FBXL17: variants seen among roughly 807,000 people sequenced by gnomAD.
FBXL17 encodes F-box and leucine rich repeat protein 17.
In FBXL17, 22 loss-of-function variants were observed where a neutral mutation model predicts 66.2. The ratio of observed to expected loss-of-function variants is 0.33; its 90% CI spans 0.24 to 0.47. The LOEUF is 0.47. Among genes scored for constraint, FBXL17 ranks in the 20% least tolerant of loss-of-function variants. The pLI is 1.00. For synonymous variants in FBXL17, 474 were observed against 400.5 expected (o/e 1.18, Z -2.19); for missense variants, 878 against 948.2 (o/e 0.93, Z 0.97).
intron 1 of FBXL17, among the ~76,000 whole-genome samples, chr5:108,369,832 A>C (rs999489094): frequency 2.6e-5 from 4 of 152,334 alleles, no homozygotes; most frequent in African/African-American, 9.6e-5. Context: ...TGAATATAAA[A>C]GATATTAATT....
chr5:107,870,147 G>A (rs1169846846), intron 8 of FBXL17, among the ~76,000 whole-genome samples: 1 of 152,096 alleles, frequency 6.6e-6, no homozygotes, highest in African/African-American at 2.4e-5. Context: ...ACATAGATCA[G>A]GTGAGAACTA....
chr5:108,147,737 T>A (rs920782424), intron 6 of FBXL17, among the ~76,000 whole-genome samples: 4 of 152,008 alleles, frequency 2.6e-5, no homozygotes, highest in Admixed American at 2.6e-4. Flanking sequence ...AAATTAAACA[T>A]CTCAATGTCT....
chr5:108,332,941 CAAAAA>C (rs34218940), intron 4 of FBXL17, among the ~76,000 whole-genome samples: 1 of 34,764 alleles, frequency 2.9e-5, no homozygotes, highest in East Asian at 9.7e-4. Flanking sequence ...AAAGCAAAAG[CAAAAA>C]AAAAAAAAAA....
intron 6 of FBXL17, among the ~76,000 whole-genome samples, chr5:108,184,329 C>T (rs551734574): frequency 1.6e-4 from 24 of 152,032 alleles, no homozygotes; most frequent in East Asian, 1.4e-3. Context: ...TTTTTTGAGA[C>T]GAGGTCTTGC....
intron 7 of FBXL17, among the ~76,000 whole-genome samples, chr5:107,926,269 G>C (rs1011334327): frequency 1.6e-4 from 25 of 152,130 alleles, no homozygotes; most frequent in African/African-American, 5.8e-4. Context: ...GCTGACTCCA[G>C]AGCTGAAGGT....
intron 8 of FBXL17, among the ~76,000 whole-genome samples, chr5:107,867,198 ATTCTTTGGGCTAT>A (rs1488813314): frequency 2.0e-5 from 3 of 152,120 alleles, no homozygotes; most frequent in Non-Finnish European, 4.4e-5. Flanking sequence ...ACCCATGGTG[ATTCTTTGGGCTAT>A]TGTCTTTTCC....
rs114820047 is a variant in FBXL17, at chr5:107,902,793, T to C, written c.1823-21614A>G. Among the ~76,000 whole-genome samples the C allele has an allele frequency of 6.6e-3, 1,000 of 152,246 alleles. 9 individuals are homozygous for C. The highest frequency in any genetic ancestry group is 0.023 in the African/African-American group (945 of 41,570). On this transcript the variant is annotated intron_variant, in intron 7 of 8. Transcript: ENST00000542267. ...CAAGAGATTTTATGCATGCACTTTGTGGTATCTATTTTAATTGCACAAAGT... is the reference window on the plus strand; with the variant it reads ...CAAGAGATTTTATGCATGCACTTTGCGGTATCTATTTTAATTGCACAAAGT...
intron 7 of FBXL17, among the ~76,000 whole-genome samples, chr5:107,950,866 C>T (rs529252642): frequency 5.9e-5 from 9 of 152,246 alleles, no homozygotes; most frequent in South Asian, 2.1e-4. Context: ...ACCATGAGCA[C>T]GAACTAATAA....
At chr5:108,141,350 C>T (rs1751342189) in intron 6 of FBXL17, among the ~76,000 whole-genome samples, 1 of 152,116 alleles carries the variant, frequency 6.6e-6, no homozygotes, top group Non-Finnish European at 1.5e-5. Context: ...TTCACACATT[C>T]CTTTTCCTAT....
At chr5:108,232,531 C>A (rs1167597423) in intron 4 of FBXL17, among the ~76,000 whole-genome samples, 2 of 151,732 alleles carry the variant, frequency 1.3e-5, no homozygotes, top group Middle Eastern at 3.4e-3. Flanking sequence ...GGCAGACCCA[C>A]CCTTACTCTG....
chr5:108,349,477 T>A (rs575709506), intron 3 of FBXL17, among the ~76,000 whole-genome samples: 1 of 152,280 alleles, frequency 6.6e-6, no homozygotes, highest in African/African-American at 2.4e-5. Flanking sequence ...ATCAGAAATA[T>A]ATGTGAGTTC....
intron 6 of FBXL17, among the ~76,000 whole-genome samples, chr5:108,082,955 C>G (rs1193219287): frequency 6.6e-6 from 1 of 152,010 alleles, no homozygotes; most frequent in Non-Finnish European, 1.5e-5. Flanking sequence ...ACTTTTCAAT[C>G]AGCTATTTAC....
intron 6 of FBXL17, among the ~76,000 whole-genome samples, chr5:108,084,178 A>C (rs556372304): frequency 7.2e-5 from 11 of 152,344 alleles, no homozygotes; most frequent in African/African-American, 2.6e-4. Context: ...CTCAGAAGAA[A>C]TGCTACATAT....
chr5:108,342,895 T>G (rs148678132), intron 4 of FBXL17, among the ~76,000 whole-genome samples: 1 of 152,340 alleles, frequency 6.6e-6, no homozygotes, highest in African/African-American at 2.4e-5. Flanking sequence ...AAGGTTTGTG[T>G]ACCCCCAAAA....
At chr5:108,337,516 C>A (rs1458877934) in intron 4 of FBXL17, among the ~76,000 whole-genome samples, 1 of 151,968 alleles carries the variant, frequency 6.6e-6, no homozygotes, top group Non-Finnish European at 1.5e-5. Context: ...AACTCTCAAA[C>A]CTACAACAAA....
chr5:108,171,595 T>C (rs1383082030), intron 6 of FBXL17, among the ~76,000 whole-genome samples: 1 of 152,258 alleles, frequency 6.6e-6, no homozygotes, highest in Non-Finnish European at 1.5e-5. Context: ...TAGTCATTTA[T>C]TGCTGTAAAA....
At chr5:108,042,464 C>A (rs1747088635) in intron 6 of FBXL17, among the ~76,000 whole-genome samples, 1 of 152,182 alleles carries the variant, frequency 6.6e-6, no homozygotes, top group Middle Eastern at 3.4e-3. Context: ...ATCTGTTCTC[C>A]ATTCCTACAA....
At chr5:108,194,456 T>C (rs894723873) in intron 5 of FBXL17, among the ~76,000 whole-genome samples, 8 of 152,154 alleles carry the variant, frequency 5.3e-5, no homozygotes, top group Non-Finnish European at 1.2e-4. Context: ...GCTCTTTAAA[T>C]GGGGAATCAT....
At chr5:108,186,288 C>T (rs761504056) in intron 5 of FBXL17, 41 bp from the exon 6 acceptor site, 2 of 1,561,792 alleles carry the variant, frequency 1.3e-6, no homozygotes, top group Non-Finnish European at 1.8e-6. Flanking sequence ...AAGGTAAATG[C>T]TACATTCACT....
Sources: gnomAD v4.1 joint callset for allele counts (sites outside exome capture counted in the v4.1 genomes callset) on GRCh38, gnomAD v4.1.1 for gene constraint, MANE v1.5 for transcripts, NCBI Gene and HGNC (gene_info 2026-07-23, HGNC 2026-07-21) for gene names.